Variants in EPB41L3 observed in about 807,000 individuals in gnomAD.
EPB41L3 encodes the protein erythrocyte membrane protein band 4.1 like 3.
EPB41L3 carries 57 observed loss-of-function variants against 127.1 expected under a neutral mutation model. The observed-to-expected ratio is 0.45, with a 90% CI of 0.36 to 0.56. The LOEUF is 0.56. EPB41L3 is among the 20% of genes least tolerant of loss of function. The probability of loss-of-function intolerance (pLI) is 0.00; values close to 1 mark genes in which losing one functional copy is unlikely to be tolerated. For synonymous variants in EPB41L3, 572 were observed against 549.5 expected (o/e 1.04, Z -0.57); for missense variants, 1,273 against 1,372.2 (o/e 0.93, Z 1.14).
chr18:5,533,941 G>T (rs1344187007), intron 1 of EPB41L3, among the ~76,000 whole-genome samples: 1 of 152,174 alleles, frequency 6.6e-6, no homozygotes, highest in Non-Finnish European at 1.5e-5. Context: ...GAGATGGGCA[G>T]ATCGCAAAGT....
intron 3 of EPB41L3, among the ~76,000 whole-genome samples, chr18:5,449,371 T>C (rs1870314024): frequency 6.6e-6 from 1 of 152,208 alleles, no homozygotes; most frequent in African/African-American, 2.4e-5. Flanking sequence ...AAACTCTTAT[T>C]CATTGCTGAC....
At chr18:5,615,202 C>CTTT (rs112471454) in intron 1 of EPB41L3, among the ~76,000 whole-genome samples, 2 of 151,216 alleles carry the variant, frequency 1.3e-5, no homozygotes, top group African/African-American at 4.9e-5. Flanking sequence ...CTAATTCAGA[C>CTTT]TTTTTTTTTA....
intron 1 of EPB41L3, among the ~76,000 whole-genome samples, chr18:5,535,834 G>A (rs144132129): frequency 2.0e-5 from 3 of 152,234 alleles, no homozygotes; most frequent in African/African-American, 7.2e-5. Flanking sequence ...TCTGTGAATG[G>A]AATATGACAT....
chr18:5,529,567 C>T (rs984688264), intron 1 of EPB41L3, among the ~76,000 whole-genome samples: 3 of 152,134 alleles, frequency 2.0e-5, no homozygotes, highest in Admixed American at 6.5e-5. Flanking sequence ...GGCGAACTCA[C>T]CAACATCAGC....
At chr18:5,542,814 C>G (rs1435967314) in intron 1 of EPB41L3, among the ~76,000 whole-genome samples, 3 of 152,198 alleles carry the variant, frequency 2.0e-5, no homozygotes, top group African/African-American at 7.2e-5. Flanking sequence ...TACTAGGTAA[C>G]CACACCCACC....
rs1199608493 is a variant in EPB41L3, at chr18:5,407,058, CTTA to C, written c.2158-93_2158-91del. Reference sequence around the variant, plus strand: ...TGTTTGCTTTAAAAGTAATGTCAATCTTATTAGTAGTCAAAATAAAACAAAATT... The same window carrying C: ...TGTTTGCTTTAAAAGTAATGTCAATCTTAGTAGTCAAAATAAAACAAAATT... On this transcript the variant is annotated intron_variant, in intron 15 of 22. Coordinates refer to ENST00000341928, the MANE Select transcript of EPB41L3 (RefSeq NM_012307.5). The C allele has an allele frequency of 2.0e-5, 25 of 1,263,416 alleles. No homozygotes were observed. The East Asian group carries it at 5.6e-4, about 28-fold the overall frequency. 78.3% of individuals were successfully genotyped at this position (1,263,416 alleles called of 1,614,324 possible). A position where few individuals can be genotyped will look rare whatever the true frequency, so the allele number is the denominator to read the frequency against.
chr18:5,432,781 C>T (rs1568146704), intron 8 of EPB41L3, among the ~76,000 whole-genome samples: 1 of 152,188 alleles, frequency 6.6e-6, no homozygotes, highest in African/African-American at 2.4e-5. Context: ...CCAAGATACA[C>T]CTTTAACATT....
chr18:5,413,917 A>T (rs111767708), intron 13 of EPB41L3, among the ~76,000 whole-genome samples: 4 of 152,242 alleles, frequency 2.6e-5, no homozygotes, highest in African/African-American at 7.2e-5. Flanking sequence ...TGTTTTGCCA[A>T]TGTAATGCAG....
chr18:5,599,633 G>A (rs2094570178), intron 3 of EPB41L3, among the ~76,000 whole-genome samples: 1 of 152,108 alleles, frequency 6.6e-6, no homozygotes, highest in Non-Finnish European at 1.5e-5. Flanking sequence ...TTGAAAGTAT[G>A]TTGCACCTTC....
intron 3 of EPB41L3, among the ~76,000 whole-genome samples, chr18:5,549,461 C>T (rs1170854332): frequency 6.6e-6 from 1 of 152,180 alleles, no homozygotes; most frequent in Non-Finnish European, 1.5e-5. Flanking sequence ...AGGGATTTGT[C>T]TGATATCCAA....
At chr18:5,508,864 C>T (rs1267479566) in intron 1 of EPB41L3, among the ~76,000 whole-genome samples, 1 of 150,982 alleles carries the variant, frequency 6.6e-6, no homozygotes, top group Non-Finnish European at 1.5e-5. Context: ...CAGTTAAGCA[C>T]AGATTATACA....
chr18:5,440,633 AAC>A (rs2080555715), intron 5 of EPB41L3, among the ~76,000 whole-genome samples: 1 of 152,250 alleles, frequency 6.6e-6, no homozygotes, highest in Non-Finnish European at 1.5e-5. Flanking sequence ...AGAAAATTAT[AAC>A]ACTGATGATA....
At position 5,407,556 on chromosome 18, in the gene EPB41L3, C is replaced by G; in HGVS notation, c.2157+145G>C. On this transcript the variant is annotated intron_variant, in intron 15 of 22. Transcript: ENST00000341928. The stretch of plus-strand genomic sequence containing the variant: ...GTAAAGGACACAGTTGTCAAGGGAA[C>G]AAATGCCAACCTACACACTGCACCA... 9.2e-6 allele frequency: 7 copies of G among 760,884 alleles called. No individual in the cohort carries two copies. The South Asian group carries it at 1.3e-4, about 15-fold the overall frequency. The allele number at this position is 760,884 out of a possible 1,614,324, so 47.1% of individuals were successfully genotyped here. A position where few individuals can be genotyped will look rare whatever the true frequency, so the allele number is the denominator to read the frequency against.
At chr18:5,516,303 G>A (rs757379563) in intron 1 of EPB41L3, among the ~76,000 whole-genome samples, 2 of 152,194 alleles carry the variant, frequency 1.3e-5, no homozygotes, top group Non-Finnish European at 2.9e-5. Flanking sequence ...GCAAGGGGAC[G>A]CTCATTATTT....
At chr18:5,475,508 T>G (rs1272578706) in intron 3 of EPB41L3, among the ~76,000 whole-genome samples, 1 of 152,230 alleles carries the variant, frequency 6.6e-6, no homozygotes, top group African/African-American at 2.4e-5. Context: ...TCTGCAAACC[T>G]AACACTATGC....
rs527684060 is a variant in EPB41L3, at chr18:5,441,494, T to C, written c.529+2344A>G. 7.4e-3 allele frequency among the ~76,000 whole-genome samples: 1,124 copies of C among 150,942 alleles called. 14 individuals carry two copies. Among genetic ancestry groups the C allele is most frequent in the African/African-American group, 0.025 (1,021 of 40,820 alleles). On this transcript the variant is annotated intron_variant, in intron 5 of 22. Coordinates refer to ENST00000341928, the MANE Select transcript of EPB41L3 (RefSeq NM_012307.5). Reference sequence around the variant, plus strand: ...TTTTTTTTTTTTTTTGACACGGAGTTTCGCTCTGTCGCCCAGGCTGGAGCG... The same window carrying C: ...TTTTTTTTTTTTTTTGACACGGAGTCTCGCTCTGTCGCCCAGGCTGGAGCG...
At chr18:5,563,667 C>T (rs1344931625) in intron 3 of EPB41L3, among the ~76,000 whole-genome samples, 3 of 152,104 alleles carry the variant, frequency 2.0e-5, no homozygotes, top group African/African-American at 7.2e-5. Flanking sequence ...CTGAATCCTG[C>T]TTTCTAGCTT....
chr18:5,478,146 G>A (rs921941330), intron 3 of EPB41L3, 95 bp downstream of exon 3: 5 of 1,096,834 alleles, frequency 4.6e-6, no homozygotes, highest in Non-Finnish European at 5.3e-6. Context: ...ATTTTCCAGA[G>A]TCCTAGAAAA....
chr18:5,515,831 C>T (rs55651141), intron 1 of EPB41L3, among the ~76,000 whole-genome samples: 2,137 of 152,310 alleles, frequency 0.014, 24 homozygotes, highest in Middle Eastern at 0.054. Context: ...TCCACCACCC[C>T]TCTCATTCCA....
Sources: allele counts gnomAD v4.1 joint callset (sites outside exome capture counted in the v4.1 genomes callset), GRCh38; gene constraint gnomAD v4.1.1; transcripts MANE v1.5; gene names NCBI Gene and HGNC (gene_info 2026-07-23, HGNC 2026-07-21).